The following CELF2 variants were observed in gnomAD, a reference collection of about 807,000 sequenced individuals.
CELF2 encodes the protein CUGBP Elav-like family member 2.
In CELF2, 8 loss-of-function variants were observed where a neutral mutation model predicts 62.6. That is an observed-to-expected ratio of 0.13 (90% CI 0.07 to 0.23). CELF2 has a LOEUF of 0.23. CELF2 is among the 10% of genes least tolerant of loss of function. The pLI, the probability that CELF2 is intolerant of heterozygous loss-of-function variation, is 1.00. For synonymous variants in CELF2, 258 were observed against 250.0 expected, an observed-to-expected ratio of 1.03 and a Z score of -0.30; for missense variants, 333 against 671.0, an observed-to-expected ratio of 0.50 and a Z score of 5.56.
At position 11,217,084 on chromosome 10, in the gene CELF2, GA is replaced by G. The variant is rs781215028; in HGVS notation, c.272-340del. Reference sequence around the variant, plus strand: ...TGTAAGCTTGTGCTGTTGTTATTGTGATTAAATGCTTCTCTTCACGTAGGTG... The same window carrying G: ...TGTAAGCTTGTGCTGTTGTTATTGTGTTAAATGCTTCTCTTCACGTAGGTG... On this transcript the variant is annotated intron_variant, in intron 2 of 12. Transcript: ENST00000633077. The surrounding 1 kb of genome is among the most constrained non-coding windows in gnomAD (Gnocchi z 5.6). Among the ~76,000 whole-genome samples, 15 of 152,308 alleles carry G rather than the reference GA, an allele frequency of 9.8e-5. No individual in the cohort carries two copies. The highest frequency in any genetic ancestry group is 1.9e-4 in the African/African-American group (8 of 41,570).
the CELF2 span, among the ~76,000 whole-genome samples, chr10:10,757,555 C>T: frequency 1.3e-5 from 2 of 152,080 alleles, no homozygotes; most frequent in Non-Finnish European, 2.9e-5. Context: ...TGTATGTATA[C>T]AATCTAAAAG....
chr10:10,649,423 C>T, the CELF2 span, among the ~76,000 whole-genome samples: 2 of 152,154 alleles, frequency 1.3e-5, no homozygotes, highest in Non-Finnish European at 2.9e-5. Context: ...TATTACAGTA[C>T]TCAAGTTAAT....
intron 9 of CELF2, among the ~76,000 whole-genome samples, chr10:11,299,472 G>A (rs1249085133): frequency 1.3e-5 from 2 of 152,080 alleles, no homozygotes; most frequent in Non-Finnish European, 2.9e-5. Flanking sequence ...CCCCCCCCAG[G>A]AAGGCCAGAC....
At chr10:10,763,870 A>G in the CELF2 span, among the ~76,000 whole-genome samples, 1 of 152,206 alleles carries the variant, frequency 6.6e-6, no homozygotes, top group Non-Finnish European at 1.5e-5. Flanking sequence ...GAATTGTGCT[A>G]TTGTATTAAT....
Position 10,967,056 on chromosome 10 carries a change from C to T in CELF2, c.89+47057C>T, listed in dbSNP as rs368224960. 4.0e-4 allele frequency among the ~76,000 whole-genome samples: 61 copies of T among 152,262 alleles called. 2 individuals carry two copies. In the South Asian group the frequency reaches 0.011, roughly 28 times the overall value. On this transcript the variant is annotated intron_variant, in intron 2 of 13. Coordinates refer to the CELF2 transcript ENST00000636488. ...ATTGAGCAAAGAACAATTCGAGAAC[C>T]GGGCAGCCCCACGAACAAAAGTACC...
At chr10:10,532,487 G>A in the CELF2 span, among the ~76,000 whole-genome samples, 5 of 152,204 alleles carry the variant, frequency 3.3e-5, no homozygotes, top group Non-Finnish European at 7.3e-5. Flanking sequence ...AACCCTAAGA[G>A]TTTAAGTGGA....
chr10:10,684,587 T>C, the CELF2 span, among the ~76,000 whole-genome samples: 140 of 151,950 alleles, frequency 9.2e-4, no homozygotes, highest in Non-Finnish European at 1.4e-3. Context: ...CTACAAAACA[T>C]AAACAAAATT....
upstream of CELF2, among the ~76,000 whole-genome samples, chr10:11,015,766 C>T (rs763433515): frequency 6.6e-6 from 1 of 152,200 alleles, no homozygotes; most frequent in South Asian, 2.1e-4. The surrounding 1 kb of genome is among the most constrained non-coding windows in gnomAD (Gnocchi z 4.8). Context: ...TCCACTATTG[C>T]CTCAAGGGAT....
At chr10:10,491,013 T>C in the CELF2 span, among the ~76,000 whole-genome samples, 3 of 152,284 alleles carry the variant, frequency 2.0e-5, no homozygotes, top group African/African-American at 7.2e-5. Context: ...CCAGTGACTA[T>C]TGTAAGAAAA....
the CELF2 span, among the ~76,000 whole-genome samples, chr10:10,598,741 CT>C: frequency 1.2e-5 from 1 of 85,872 alleles, no homozygotes; most frequent in African/African-American, 3.8e-5. Context: ...TTTTCTTTTT[CT>C]TTTTCTTTCT....
At chr10:11,007,041 C>G (rs1406623926) in intron 1 of CELF2, among the ~76,000 whole-genome samples, 2 of 152,160 alleles carry the variant, frequency 1.3e-5, no homozygotes, top group African/African-American at 4.8e-5. Context: ...ACATGAAAAT[C>G]ATTTTACTAA....
the CELF2 span, among the ~76,000 whole-genome samples, chr10:10,605,520 T>C: frequency 6.6e-6 from 1 of 152,248 alleles, no homozygotes; most frequent in Non-Finnish European, 1.5e-5. Context: ...TATAGCTGAA[T>C]ACAAATACGA....
At chr10:10,667,460 C>T in the CELF2 span, among the ~76,000 whole-genome samples, 3 of 152,150 alleles carry the variant, frequency 2.0e-5, no homozygotes, top group Non-Finnish European at 4.4e-5. Context: ...TGTTTTTTAG[C>T]ACAAAAGGCC....
chr10:11,037,330 G>T (rs2061123979), intron 1 of CELF2, among the ~76,000 whole-genome samples: 1 of 152,210 alleles, frequency 6.6e-6, no homozygotes, highest in Admixed American at 6.5e-5. Flanking sequence ...CCTCCTAACA[G>T]GTCCCTCCCA....
the CELF2 span, among the ~76,000 whole-genome samples, chr10:10,634,284 T>G: frequency 6.6e-6 from 1 of 152,172 alleles, no homozygotes; most frequent in African/African-American, 2.4e-5. Context: ...CTCATTAATA[T>G]TTTTCCTAGG....
the CELF2 span, among the ~76,000 whole-genome samples, chr10:10,469,720 A>C: frequency 6.6e-6 from 1 of 151,424 alleles, no homozygotes; most frequent in African/African-American, 2.4e-5. Flanking sequence ...AGAATTGGTA[A>C]TTTTTTTTCT....
Position 11,178,484 on chromosome 10 carries a change from G to T in CELF2, c.271+12802G>T, listed in dbSNP as rs2072063706. 6.6e-6 allele frequency among the ~76,000 whole-genome samples: 1 copy of T among 152,238 alleles called. No individual in the cohort carries two copies. The highest frequency in any genetic ancestry group is 2.4e-5 in the African/African-American group (1 of 41,466). On this transcript the variant is annotated intron_variant, in intron 2 of 12. Coordinates refer to ENST00000633077, the MANE Select transcript of CELF2 (RefSeq NM_001326342.2). The surrounding 1 kb of genome is among the most constrained non-coding windows in gnomAD (Gnocchi z 4.3). ...AGAAAAAGACTTGGGGAAAGGTAAT[G>T]AATAAATTAAAGACACACTTTTGTA...
chr10:11,291,510 A>T (rs1321692803), intron 9 of CELF2, among the ~76,000 whole-genome samples: 1 of 152,242 alleles, frequency 6.6e-6, no homozygotes, highest in African/African-American at 2.4e-5. Flanking sequence ...TCGTGCAATT[A>T]TCAGATGGTA....
At chr10:10,812,264 C>G (rs796568222) in intron 1 of CELF2, among the ~76,000 whole-genome samples, 9 of 152,276 alleles carry the variant, frequency 5.9e-5, no homozygotes, top group African/African-American at 2.2e-4. Flanking sequence ...AGGGGAAACC[C>G]CTTATCAAAC....
Sources: allele counts gnomAD v4.1 joint callset (sites outside exome capture counted in the v4.1 genomes callset), GRCh38; gene constraint gnomAD v4.1.1; non-coding constraint Gnocchi (gnomAD v3.1); transcripts MANE v1.5; gene names NCBI Gene and HGNC (gene_info 2026-07-23, HGNC 2026-07-21).